COL24A1: variants seen among roughly 807,000 people sequenced by gnomAD.
The protein encoded by COL24A1 is collagen type XXIV alpha 1 chain.
Under a neutral mutation model 253.9 loss-of-function variants are expected in COL24A1, and 224 were observed. The observed-to-expected ratio is 0.88, with a 90% CI of 0.79 to 0.99. COL24A1 has a LOEUF of 0.99. Ranked by LOEUF, COL24A1 falls within the 50% of genes least tolerant of loss-of-function variation. The pLI is 0.00. For missense variants in COL24A1, 2,131 were observed against 2,068.5 expected (o/e 1.03, Z -0.59); for synonymous variants, 685 against 673.7 (o/e 1.02, Z -0.26).
At chr1:85,789,556 T>G (rs1411540922) in intron 47 of COL24A1, among the ~76,000 whole-genome samples, 1 of 152,042 alleles carries the variant, frequency 6.6e-6, no homozygotes, top group African/African-American at 2.4e-5. Flanking sequence ...TTCTCTTGCC[T>G]GTTTGCCCTG....
rs531162280 is a variant in COL24A1, at chr1:86,114,677, CT to C, written c.1545+647del. Among the ~76,000 whole-genome samples the C allele has an allele frequency of 9.2e-5, 14 of 152,052 alleles. No individual in the cohort carries two copies. In the South Asian group the frequency reaches 2.9e-3, roughly 32 times the overall value. On this transcript the variant is annotated intron_variant, in intron 4 of 59. Transcript: ENST00000370571. ...TTTTAGAGTAATTTTTCTTTATAAT[CT>C]TTGTATGTTAAATAAAAATCAGAAT... is the stretch of plus-strand genomic sequence containing the variant.
intron 47 of COL24A1, among the ~76,000 whole-genome samples, chr1:85,813,062 G>A (rs1004367147): frequency 3.3e-5 from 5 of 151,628 alleles, no homozygotes; most frequent in East Asian, 1.9e-4. Flanking sequence ...TACACAGCAC[G>A]AATTATATGT....
At chr1:85,827,691 G>A (rs1272611939) in intron 43 of COL24A1, among the ~76,000 whole-genome samples, 1 of 151,792 alleles carries the variant, frequency 6.6e-6, no homozygotes, top group Non-Finnish European at 1.5e-5. Context: ...ATTTCTTCTA[G>A]ATTTTCTAGT....
chr1:85,766,104 G>C (rs936557551), intron 53 of COL24A1, among the ~76,000 whole-genome samples: 4 of 152,008 alleles, frequency 2.6e-5, no homozygotes, highest in Admixed American at 2.0e-4. Flanking sequence ...GGTGGCTTAT[G>C]CCTCTAATCC....
At chr1:85,772,130 C>T (rs1372145040) in intron 53 of COL24A1, among the ~76,000 whole-genome samples, 1 of 150,660 alleles carries the variant, frequency 6.6e-6, no homozygotes, top group Non-Finnish European at 1.5e-5. Flanking sequence ...GACATGAACT[C>T]ATCATTTTTT....
intron 45 of COL24A1, 32 bp from the exon 46 acceptor site, chr1:85,818,119 T>G (rs542167423): frequency 1.8e-4 from 281 of 1,566,876 alleles, no homozygotes; most frequent in Middle Eastern, 8.4e-4. Context: ...GTCAATTGAC[T>G]GTAATAATCT....
At chr1:85,903,789 C>T (rs1056115112) in intron 28 of COL24A1, among the ~76,000 whole-genome samples, 1 of 152,184 alleles carries the variant, frequency 6.6e-6, no homozygotes, top group Non-Finnish European at 1.5e-5. Flanking sequence ...TAACATTACT[C>T]ATGTGCCTAA....
At chr1:85,870,183 C>A (rs541306500) in intron 35 of COL24A1, among the ~76,000 whole-genome samples, 263 of 152,186 alleles carry the variant, frequency 1.7e-3, no homozygotes, top group African/African-American at 5.6e-3. Context: ...ACAGGAGCAC[C>A]CAGATTCATA....
intron 24 of COL24A1, among the ~76,000 whole-genome samples, chr1:85,927,750 GCCT>G (rs1274532673): frequency 7.6e-4 from 28 of 37,062 alleles, no homozygotes; most frequent in African/African-American, 2.6e-3. Context: ...CGGGCAGACT[GCCT>G]CCTCAAGTGG....
intron 5 of COL24A1, among the ~76,000 whole-genome samples, chr1:86,108,511 G>A (rs1043416604): frequency 2.0e-5 from 3 of 150,308 alleles, no homozygotes; most frequent in African/African-American, 7.4e-5. Flanking sequence ...GGCTGGTCGC[G>A]GTGGCTCACG....
At chr1:85,821,248 T>A (rs1367076724) in intron 45 of COL24A1, among the ~76,000 whole-genome samples, 1 of 152,186 alleles carries the variant, frequency 6.6e-6, no homozygotes, top group Admixed American at 6.5e-5. Flanking sequence ...CTGCCCACAG[T>A]CTTATGCCCA....
chr1:86,010,848 T>C (rs1696421895), intron 19 of COL24A1, among the ~76,000 whole-genome samples: 1 of 152,318 alleles, frequency 6.6e-6, no homozygotes, highest in South Asian at 2.1e-4. Context: ...AAAGTATCTG[T>C]GGTATGTAAC....
At chr1:85,795,712 C>T (rs1471685516) in intron 47 of COL24A1, among the ~76,000 whole-genome samples, 2 of 151,924 alleles carry the variant, frequency 1.3e-5, no homozygotes. Flanking sequence ...TAGTTATTAA[C>T]TATGTGAGAA....
intron 12 of COL24A1, among the ~76,000 whole-genome samples, chr1:86,036,244 T>G (rs1699005036): frequency 1.3e-5 from 2 of 152,056 alleles, no homozygotes; most frequent in African/African-American, 2.4e-5. Flanking sequence ...TGCCTCAGCC[T>G]CCCGTAGTGT....
chr1:85,970,451 T>A (rs1354979396), intron 21 of COL24A1, among the ~76,000 whole-genome samples, 180 bp from the exon 22 acceptor site: 3 of 152,174 alleles, frequency 2.0e-5, no homozygotes, highest in South Asian at 2.1e-4. Context: ...TTTTTTTGTG[T>A]GAACCTGGTG....
intron 53 of COL24A1, among the ~76,000 whole-genome samples, chr1:85,767,134 A>AATAATAATG: frequency 6.6e-6 from 1 of 151,202 alleles, no homozygotes; most frequent in African/African-American, 2.4e-5. Flanking sequence ...TAATAATAAT[A>AATAATAATG]AGATTGACAA....
At position 85,762,355 on chromosome 1, in the gene COL24A1, T is replaced by C. The variant is rs1333204566; in HGVS notation, c.4375-789A>G. ...CCAAAGCTGTTAATCCTAAATATACTGTGATAGCTAGAACAAACAATACAT... is the reference window on the plus strand; with the variant it reads ...CCAAAGCTGTTAATCCTAAATATACCGTGATAGCTAGAACAAACAATACAT... On this transcript the variant is annotated intron_variant, in intron 53 of 59. Coordinates refer to ENST00000370571, the MANE Select transcript of COL24A1 (RefSeq NM_152890.7). Among the ~76,000 whole-genome samples, 3 of 152,182 alleles carry C rather than the reference T, an allele frequency of 2.0e-5. No homozygotes were observed. The East Asian group carries it at 5.8e-4, about 29-fold the overall frequency.
At chr1:85,922,642 C>T (rs1486335940) in intron 24 of COL24A1, among the ~76,000 whole-genome samples, 1 of 152,258 alleles carries the variant, frequency 6.6e-6, no homozygotes, top group Middle Eastern at 3.4e-3. Context: ...CACCACCAGG[C>T]CTGTCTTACA....
intron 43 of COL24A1, among the ~76,000 whole-genome samples, chr1:85,828,774 T>G (rs923142883): frequency 1.5e-5 from 2 of 133,960 alleles, no homozygotes; most frequent in Admixed American, 7.7e-5. Context: ...TCCATTTGCT[T>G]GGTAGATCTT....
Sources: allele counts gnomAD v4.1 joint callset (sites outside exome capture counted in the v4.1 genomes callset), GRCh38; gene constraint gnomAD v4.1.1; transcripts MANE v1.5; gene names NCBI Gene and HGNC (gene_info 2026-07-23, HGNC 2026-07-21).